OPHN1: variants seen among roughly 807,000 people sequenced by gnomAD.
OPHN1 encodes the protein oligophrenin 1.
OPHN1 carries 11 observed loss-of-function variants against 60.7 expected under a neutral mutation model. That is an observed-to-expected ratio of 0.18 (90% CI 0.11 to 0.30). The LOEUF (loss-of-function observed/expected upper bound fraction) is 0.30. OPHN1 is among the 10% of genes least tolerant of loss of function. The pLI, the probability that OPHN1 is intolerant of heterozygous loss-of-function variation, is 1.00. For synonymous variants in OPHN1, 226 were observed against 222.6 expected (o/e 1.02, Z -0.14); for missense variants, 449 against 611.0 (o/e 0.73, Z 2.80).
At chrX:68,388,584 G>T (rs1031300222) in intron 2 of OPHN1, among the ~76,000 whole-genome samples, 1 of 111,368 alleles carries the variant, frequency 9.0e-6, no homozygotes, top group African/African-American at 3.3e-5. Context: ...CTGATCAGAT[G>T]TGTTTTTTAG....
At chrX:68,331,188 A>G (rs2078292860) in intron 2 of OPHN1, among the ~76,000 whole-genome samples, 1 of 106,499 alleles carries the variant, frequency 9.4e-6, no homozygotes, top group Admixed American at 1.1e-4. Context: ...TATACAATAT[A>G]GTACATAATT....
intron 6 of OPHN1, among the ~76,000 whole-genome samples, chrX:68,215,535 T>C (rs2077604467): frequency 9.0e-6 from 1 of 111,311 alleles, no homozygotes; most frequent in Non-Finnish European, 1.9e-5. Context: ...CCAATCAGGA[T>C]AAATACCAAA....
At chrX:68,366,625 A>C (rs1214069997) in intron 2 of OPHN1, among the ~76,000 whole-genome samples, 1 of 111,404 alleles carries the variant, frequency 9.0e-6, no homozygotes, top group African/African-American at 3.3e-5. Flanking sequence ...AAGTGCTGGG[A>C]TTACAGGTTT....
chrX:68,419,790 T>C lies in OPHN1; in HGVS notation c.154+13077A>G, dbSNP rs758349674. 1.1e-4 allele frequency among the ~76,000 whole-genome samples: 12 copies of C among 111,216 alleles called. No individual in the cohort carries two copies. In the East Asian group the frequency reaches 3.1e-3, roughly 29 times the overall value. ...TACTGAGCTCCAGCAATCTGCCCCA[T>C]CTGGGCCTCCCAAAGTCCTGGTATT... On this transcript the variant is annotated intron_variant, in intron 2 of 24. Transcript: ENST00000355520.
chrX:68,076,517 C>T (rs1331793573), intron 19 of OPHN1, among the ~76,000 whole-genome samples: 1 of 111,459 alleles, frequency 9.0e-6, no homozygotes, highest in East Asian at 2.8e-4. Flanking sequence ...GAGAGTTTAG[C>T]TGGAGGATTC....
chrX:68,119,637 T>G (rs950638399), intron 15 of OPHN1, among the ~76,000 whole-genome samples: 2 of 111,670 alleles, frequency 1.8e-5, no homozygotes, highest in Non-Finnish European at 3.8e-5. Flanking sequence ...AGTGAGGAGA[T>G]AGATAGAGAG....
At chrX:68,384,540 T>G (rs371466076) in intron 2 of OPHN1, among the ~76,000 whole-genome samples, 1,204 of 111,258 alleles carry the variant, frequency 0.011, 7 homozygotes, top group Non-Finnish European at 0.016. Context: ...ACCAGTATGG[T>G]GAAACCCCAT....
At chrX:68,176,973 C>CATACAT (rs2077417018) in intron 15 of OPHN1, among the ~76,000 whole-genome samples, 1 of 99,161 alleles carries the variant, frequency 1.0e-5, no homozygotes, top group African/African-American at 3.7e-5. Context: ...TTTATATATA[C>CATACAT]ATATATATAT....
At chrX:68,087,403 T>C (rs1422088085) in intron 19 of OPHN1, among the ~76,000 whole-genome samples, 1 of 112,008 alleles carries the variant, frequency 8.9e-6, no homozygotes, top group Non-Finnish European at 1.9e-5. Flanking sequence ...TTGCTGGGCT[T>C]TGAGACACTG....
At chrX:68,301,554 G>C (rs1460752014) in intron 2 of OPHN1, among the ~76,000 whole-genome samples, 1 of 109,897 alleles carries the variant, frequency 9.1e-6, no homozygotes, top group Non-Finnish European at 1.9e-5. Flanking sequence ...TCCTGGAAAA[G>C]ACTCATATAT....
intron 19 of OPHN1, among the ~76,000 whole-genome samples, chrX:68,076,610 T>C (rs2076954853): frequency 8.9e-6 from 1 of 111,871 alleles, no homozygotes; most frequent in Non-Finnish European, 1.9e-5. Context: ...AAAAATGTTT[T>C]ACGTTTTCTT....
In OPHN1 at chrX:68,063,992, C is replaced by T; in HGVS notation, c.2020G>A (p.Val674Met). Residue 674 changes from valine to methionine, a missense_variant, in exon 21 of 25, where the codon GTG (valine) becomes ATG (methionine). By Grantham distance (21) the Val-to-Met change is conservative (BLOSUM62 1). This residue lies in a region of OPHN1 where 184 missense variants were observed against 160.5 expected (regional missense o/e 1.15). Transcript: ENST00000355520. ...PCPEVDVGKL[V>M]SRLQDGGTKI... ...GTCCCTCCATCCTGCAGCCTAGACACCAACTTCCCCACGTCCACCTCTGGG... is the reference window on the plus strand; with the variant it reads ...GTCCCTCCATCCTGCAGCCTAGACATCAACTTCCCCACGTCCACCTCTGGG... The T allele has an allele frequency of 8.3e-7, 1 of 1,210,099 alleles. No homozygotes were observed. Among genetic ancestry groups the T allele is most frequent in the Non-Finnish European group, 1.1e-6 (1 of 894,946 alleles).
chrX:68,217,354 G>A (rs1245070144), intron 6 of OPHN1, among the ~76,000 whole-genome samples: 2 of 111,601 alleles, frequency 1.8e-5, no homozygotes, highest in African/African-American at 6.5e-5. Flanking sequence ...GCTGGGGGAG[G>A]GGCGCCCGCC....
At chrX:68,067,456 G>A (rs1312009748) in intron 20 of OPHN1, among the ~76,000 whole-genome samples, 2 of 110,300 alleles carry the variant, frequency 1.8e-5, no homozygotes, top group Admixed American at 1.9e-4. Context: ...CTCTGCCTTT[G>A]AGTCACAGAA....
chrX:68,096,691 A>G (rs930028784), intron 19 of OPHN1, among the ~76,000 whole-genome samples, 179 bp downstream of exon 19: 29 of 111,716 alleles, frequency 2.6e-4, no homozygotes, highest in Non-Finnish European at 2.1e-4. Flanking sequence ...AAGCTTAAGC[A>G]ATGTTTGCTG....
chrX:68,183,341 A>G (rs1228503874), intron 15 of OPHN1, among the ~76,000 whole-genome samples: 1 of 112,096 alleles, frequency 8.9e-6, no homozygotes, highest in African/African-American at 3.2e-5. Context: ...CCCAAAATAC[A>G]AAGAATTGTT....
intron 2 of OPHN1, among the ~76,000 whole-genome samples, chrX:68,351,873 C>CTTT (rs58051308): frequency 1.0e-4 from 3 of 29,552 alleles, no homozygotes; most frequent in African/African-American, 1.6e-4. Context: ...ATTTTTTTTT[C>CTTT]TTTTTTTTTT....
At chrX:68,097,377 G>T (rs983568594) in intron 18 of OPHN1, among the ~76,000 whole-genome samples, 1 of 110,948 alleles carries the variant, frequency 9.0e-6, no homozygotes, top group African/African-American at 3.3e-5. Flanking sequence ...GCCCATATAA[G>T]TATAAAGCAT....
chrX:68,431,771 T>C (rs2078887421), intron 2 of OPHN1, among the ~76,000 whole-genome samples: 2 of 111,274 alleles, frequency 1.8e-5, no homozygotes, highest in Non-Finnish European at 3.8e-5. Flanking sequence ...TGCTCTTGGT[T>C]GACTGCATCC....
Sources: allele counts gnomAD v4.1 joint callset (sites outside exome capture counted in the v4.1 genomes callset), GRCh38; gene constraint gnomAD v4.1.1; regional missense constraint gnomAD v4.1.1; transcripts MANE v1.5; gene names NCBI Gene and HGNC (gene_info 2026-07-23, HGNC 2026-07-21).